The following IQCM variants were observed in gnomAD, a reference collection of about 807,000 sequenced individuals.
IQCM encodes IQ domain-containing protein M.
In IQCM, 45 loss-of-function variants were observed where a neutral mutation model predicts 57.6. The ratio of observed to expected loss-of-function variants is 0.78; its 90% CI spans 0.62 to 1.00. The LOEUF (loss-of-function observed/expected upper bound fraction) is 1.00. IQCM is among the 50% of genes least tolerant of loss of function. The probability of loss-of-function intolerance (pLI) is 0.00; values close to 1 mark genes in which losing one functional copy is unlikely to be tolerated. For missense variants in IQCM, 468 were observed against 511.6 expected, an observed-to-expected ratio of 0.91 and a Z score of 0.82; for synonymous variants, 148 against 158.9, an observed-to-expected ratio of 0.93 and a Z score of 0.51.
At chr4:149,747,527 A>G (rs2149924347) in intron 2 of IQCM, among the ~76,000 whole-genome samples, 1 of 152,366 alleles carries the variant, frequency 6.6e-6, no homozygotes, top group Middle Eastern at 3.4e-3. Flanking sequence ...TACAGACACA[A>G]TTGTCCATTT....
intron 9 of IQCM, among the ~76,000 whole-genome samples, chr4:149,574,061 T>A (rs1751413101): frequency 6.6e-6 from 1 of 151,936 alleles, no homozygotes; most frequent in Non-Finnish European, 1.5e-5. Context: ...ACAGACAGAC[T>A]ATTACAGAAA....
intron 13 of IQCM, among the ~76,000 whole-genome samples, chr4:149,356,769 C>T (rs1156471286): frequency 6.6e-6 from 1 of 152,024 alleles, no homozygotes; most frequent in Non-Finnish European, 1.5e-5. Flanking sequence ...TAGTTTTTTC[C>T]AATTCTGTGA....
At chr4:149,619,173 A>G (rs530780260) in intron 8 of IQCM, among the ~76,000 whole-genome samples, 30 of 150,820 alleles carry the variant, frequency 2.0e-4, no homozygotes, top group African/African-American at 6.6e-4. Context: ...GAATGAAATC[A>G]TGTATTTTGC....
At chr4:149,352,159 C>A (rs924976922) in intron 13 of IQCM, 93 bp from the exon 14 acceptor site, 41 of 395,898 alleles carry the variant, frequency 1.0e-4, no homozygotes, top group African/African-American at 7.6e-4. Context: ...TTACAGGAAA[C>A]TAATTATGGT....
intron 8 of IQCM, among the ~76,000 whole-genome samples, chr4:149,607,863 G>T (rs2150046633): frequency 6.6e-6 from 1 of 152,030 alleles, no homozygotes; most frequent in Middle Eastern, 3.4e-3. Flanking sequence ...TGGAAGGAAG[G>T]AAGGGAGGGA....
intron 2 of IQCM, among the ~76,000 whole-genome samples, chr4:149,755,521 C>A (rs1302954464): frequency 1.3e-5 from 2 of 151,748 alleles, no homozygotes; most frequent in African/African-American, 4.8e-5. Context: ...TCACAAGGTA[C>A]CAACCCTTCA....
rs558491846 is a variant in IQCM at position 149,587,182 on chromosome 4, G to A, written c.749+748C>T. On this transcript the variant is annotated intron_variant, in intron 9 of 13. Transcript: ENST00000636793. Reference sequence around the variant, plus strand: ...TTCTCACTATCTTACACTGCATGACGTTGGAAAAGCTAGATAAATGGGGAT... The same window carrying A: ...TTCTCACTATCTTACACTGCATGACATTGGAAAAGCTAGATAAATGGGGAT... Among the ~76,000 whole-genome samples, 241 of 151,794 alleles carry A rather than the reference G, an allele frequency of 1.6e-3. 1 individual carries two copies. Among genetic ancestry groups the A allele is most frequent in the African/African-American group, 5.5e-3 (230 of 41,476 alleles).
At chr4:149,708,894 C>T (rs1043968531) in intron 5 of IQCM, among the ~76,000 whole-genome samples, 1 of 152,042 alleles carries the variant, frequency 6.6e-6, no homozygotes, top group Non-Finnish European at 1.5e-5. Flanking sequence ...ATGGTATTAA[C>T]AACCAGACAG....
chr4:149,802,179 C>G (rs1773665353), intron 2 of IQCM, among the ~76,000 whole-genome samples: 1 of 151,570 alleles, frequency 6.6e-6, no homozygotes, highest in South Asian at 2.1e-4. Flanking sequence ...TCATGCAAAA[C>G]TAGTCCCCTA....
intron 2 of IQCM, among the ~76,000 whole-genome samples, chr4:149,768,718 A>G (rs1044360599): frequency 2.6e-4 from 39 of 152,042 alleles, no homozygotes; most frequent in African/African-American, 8.9e-4. Context: ...GAGCACTTAA[A>G]CAGAGACCAA....
chr4:149,558,765 G>A (rs1377170237), intron 10 of IQCM, among the ~76,000 whole-genome samples: 2 of 152,112 alleles, frequency 1.3e-5, no homozygotes, highest in Non-Finnish European at 2.9e-5. Flanking sequence ...TTTTATAGAT[G>A]AGAGGGTTTT....
chr4:149,672,481 C>A (rs563283794), intron 7 of IQCM, among the ~76,000 whole-genome samples: 3 of 152,054 alleles, frequency 2.0e-5, no homozygotes, highest in Non-Finnish European at 4.4e-5. Context: ...GTGACGCATG[C>A]GCAAGCTTCA....
intron 2 of IQCM, among the ~76,000 whole-genome samples, chr4:149,770,233 A>C (rs1770443677): frequency 6.6e-6 from 1 of 152,070 alleles, no homozygotes; most frequent in Non-Finnish European, 1.5e-5. Context: ...TGGTATTCTA[A>C]AAGATACCAA....
At chr4:149,527,811 C>T (rs182526905) in intron 12 of IQCM, among the ~76,000 whole-genome samples, 2 of 152,194 alleles carry the variant, frequency 1.3e-5, no homozygotes, top group East Asian at 3.9e-4. Context: ...CACAGCCATG[C>T]AGCAATATGA....
chr4:149,466,866 C>T (rs995449585), intron 12 of IQCM, among the ~76,000 whole-genome samples: 1 of 152,130 alleles, frequency 6.6e-6, no homozygotes, highest in South Asian at 2.1e-4. Context: ...GTCTGTTCCT[C>T]AGAAATAAAA....
intron 8 of IQCM, among the ~76,000 whole-genome samples, chr4:149,613,855 T>G (rs1434329687): frequency 6.6e-6 from 1 of 152,124 alleles, no homozygotes; most frequent in Non-Finnish European, 1.5e-5. Flanking sequence ...TTGCTGAGAA[T>G]GATGGTTTCC....
intron 2 of IQCM, among the ~76,000 whole-genome samples, chr4:149,777,530 A>G (rs1472462716): frequency 3.3e-5 from 5 of 152,180 alleles, no homozygotes; most frequent in Admixed American, 3.3e-4. Context: ...ACTGCTGGTA[A>G]CATTAAAATA....
At chr4:149,587,397 T>C (rs1280194589) in intron 9 of IQCM, among the ~76,000 whole-genome samples, 1 of 151,746 alleles carries the variant, frequency 6.6e-6, no homozygotes, top group Non-Finnish European at 1.5e-5. Context: ...GAAACTTCAT[T>C]GTTAACTTTC....
At chr4:149,354,802 T>C (rs1412640541) in intron 13 of IQCM, among the ~76,000 whole-genome samples, 1 of 152,156 alleles carries the variant, frequency 6.6e-6, no homozygotes, top group Non-Finnish European at 1.5e-5. Flanking sequence ...CAAAACTATA[T>C]GTCAAAAGAT....
Sources: allele counts gnomAD v4.1 joint callset (sites outside exome capture counted in the v4.1 genomes callset), GRCh38; gene constraint gnomAD v4.1.1; transcripts MANE v1.5; gene names NCBI Gene and HGNC (gene_info 2026-07-23, HGNC 2026-07-21).